Variants in CERKL observed in about 807,000 individuals in gnomAD.
The protein encoded by CERKL is CERK like autophagy regulator, also known as ceramide kinase-like protein.
In CERKL, 61 loss-of-function variants were observed where a neutral mutation model predicts 63.4. The ratio of observed to expected loss-of-function variants is 0.96; its 90% CI spans 0.78 to 1.19. CERKL has a LOEUF of 1.19. Ranked by LOEUF, CERKL falls within the 50% of genes most tolerant of loss-of-function variation. CERKL has a pLI of 0.00. For synonymous variants in CERKL, 250 were observed against 230.5 expected (o/e 1.08, Z -0.77); for missense variants, 675 against 655.5 (o/e 1.03, Z -0.33).
At chr2:181,553,318 A>G (rs1688067856) in intron 5 of CERKL, among the ~76,000 whole-genome samples, 1 of 152,166 alleles carries the variant, frequency 6.6e-6, no homozygotes, top group Non-Finnish European at 1.5e-5. Flanking sequence ...GTGCTTCCCA[A>G]TCAGATTTGT....
intron 1 of CERKL, among the ~76,000 whole-genome samples, chr2:181,646,393 C>G (rs1397295080): frequency 6.6e-6 from 1 of 152,204 alleles, no homozygotes; most frequent in Admixed American, 6.5e-5. Flanking sequence ...CTTACACAAA[C>G]CTAAATAGCA....
chr2:181,563,231 G>A (rs1321116010), intron 4 of CERKL, among the ~76,000 whole-genome samples: 2 of 151,878 alleles, frequency 1.3e-5, no homozygotes, highest in African/African-American at 4.8e-5. Context: ...TGTTTCCTAG[G>A]ACACACTGCA....
chr2:181,537,163 T>A lies in CERKL; in HGVS notation c.*1021A>T, dbSNP rs1574421214. 2.2e-6 allele frequency: 1 copy of A among 453,970 alleles called. No individual in the cohort carries two copies. The highest frequency in any genetic ancestry group is 1.6e-5 in the South Asian group (1 of 64,466). The allele number at this position is 453,970 out of a possible 1,614,324, so 28.1% of individuals were successfully genotyped here. On this transcript the variant is annotated 3_prime_UTR_variant, in exon 13 of 13. Coordinates refer to ENST00000410087, the MANE Select transcript of CERKL (RefSeq NM_201548.5). ...TCGTTATAAAAAGGCTAGTCATTCT[T>A]TCAGGAGAACATCTAGGATCATAGA... is the stretch of plus-strand genomic sequence containing the variant.
chr2:181,539,046 TTTATGTTTACTGG>T, intron 12 of CERKL, 33 bp downstream of exon 12: 1 of 1,283,582 alleles, frequency 7.8e-7, no homozygotes, highest in Non-Finnish European at 1.1e-6. Flanking sequence ...TAATATTAGA[TTTATGTTTACTGG>T]TTGACAATAA....
At chr2:181,615,795 G>A (rs1020379720) in intron 1 of CERKL, among the ~76,000 whole-genome samples, 9 of 152,152 alleles carry the variant, frequency 5.9e-5, no homozygotes, top group Non-Finnish European at 1.2e-4. Context: ...TTAAACTAGG[G>A]TTTAAACAAA....
intron 2 of CERKL, among the ~76,000 whole-genome samples, chr2:181,577,564 C>T (rs1216061618): frequency 6.6e-6 from 1 of 152,068 alleles, no homozygotes; most frequent in East Asian, 1.9e-4. Flanking sequence ...GGGGGAAATA[C>T]TTAGAAAGGA....
intron 2 of CERKL, among the ~76,000 whole-genome samples, chr2:181,578,884 C>T (rs1416389525): frequency 1.3e-5 from 2 of 151,952 alleles, no homozygotes; most frequent in African/African-American, 4.8e-5. Context: ...GCAATGAATG[C>T]TATTCTCCAT....
chr2:181,613,874 A>G (rs1318076922), intron 1 of CERKL, among the ~76,000 whole-genome samples: 1 of 152,230 alleles, frequency 6.6e-6, no homozygotes, highest in Non-Finnish European at 1.5e-5. Context: ...TTTTGCATAT[A>G]ACTAGTTCCT....
intron 1 of CERKL, among the ~76,000 whole-genome samples, chr2:181,616,074 A>AT (rs1262578137): frequency 1.3e-5 from 2 of 151,978 alleles, no homozygotes; most frequent in African/African-American, 2.4e-5. Context: ...TCCAACTGCA[A>AT]TTTTTTTCCA....
intron 2 of CERKL, among the ~76,000 whole-genome samples, chr2:181,580,529 C>T (rs1204227777): frequency 1.3e-5 from 2 of 152,064 alleles, no homozygotes; most frequent in African/African-American, 2.4e-5. Context: ...ACATTAGTTC[C>T]ACCAGAAAAA....
intron 2 of CERKL, among the ~76,000 whole-genome samples, chr2:181,598,056 G>T (rs558902121): frequency 6.6e-6 from 1 of 152,178 alleles, no homozygotes; most frequent in African/African-American, 2.4e-5. Context: ...TGTTGAAGAC[G>T]CAGCAGTGGT....
intron 1 of CERKL, among the ~76,000 whole-genome samples, chr2:181,656,282 A>T (rs996145941): frequency 2.0e-5 from 3 of 152,216 alleles, no homozygotes; most frequent in African/African-American, 7.2e-5. Flanking sequence ...CTGGAGTTAC[A>T]TTTTCAAGTC....
intron 1 of CERKL, among the ~76,000 whole-genome samples, chr2:181,608,926 G>T (rs1417737711): frequency 6.6e-6 from 1 of 151,866 alleles, no homozygotes; most frequent in Non-Finnish European, 1.5e-5. Context: ...AAGGTATAAT[G>T]GAGATAAAAA....
At chr2:181,544,075 G>C (rs562962980) in intron 11 of CERKL, among the ~76,000 whole-genome samples, 1 of 151,700 alleles carries the variant, frequency 6.6e-6, no homozygotes, top group South Asian at 2.1e-4. Flanking sequence ...CACAATTTCA[G>C]AAATTCACAT....
chr2:181,579,182 T>C (rs1684392383), intron 2 of CERKL, among the ~76,000 whole-genome samples: 1 of 151,958 alleles, frequency 6.6e-6, no homozygotes, highest in Non-Finnish European at 1.5e-5. Flanking sequence ...AAATGTAAAG[T>C]GCTTAGAAAA....
At chr2:181,609,533 T>TAAAAAAAAAAAAAACA (rs1685869387) in intron 1 of CERKL, among the ~76,000 whole-genome samples, 1 of 70,216 alleles carries the variant, frequency 1.4e-5, no homozygotes, top group Non-Finnish European at 2.8e-5. Flanking sequence ...CTGTCTCTAC[T>TAAAAAAAAAAAAAACA]AAAAAAAAAA....
At chr2:181,572,560 C>T (rs1220754564) in intron 3 of CERKL, among the ~76,000 whole-genome samples, 1 of 152,096 alleles carries the variant, frequency 6.6e-6, no homozygotes, top group East Asian at 1.9e-4. Context: ...TTCAGCCAAT[C>T]TTTGGAAATC....
At chr2:181,541,550 GACA>G (rs1158162959) in intron 11 of CERKL, among the ~76,000 whole-genome samples, 1 of 152,160 alleles carries the variant, frequency 6.6e-6, no homozygotes. Context: ...ATATTATTCT[GACA>G]ACAAGAGAAA....
chr2:181,566,982 C>A (rs1014974703), intron 3 of CERKL, among the ~76,000 whole-genome samples: 1 of 152,220 alleles, frequency 6.6e-6, no homozygotes, highest in Non-Finnish European at 1.5e-5. Context: ...ATTAATCTTT[C>A]ATGCTTGTCT....
Sources: gnomAD v4.1 joint callset for allele counts (sites outside exome capture counted in the v4.1 genomes callset) on GRCh38, gnomAD v4.1.1 for gene constraint, MANE v1.5 for transcripts, NCBI Gene and HGNC (gene_info 2026-07-23, HGNC 2026-07-21) for gene names.